The following SCG3 variants were observed in gnomAD, a reference collection of about 807,000 sequenced individuals.
The protein encoded by SCG3 is secretogranin III, also known as secretogranin-3.
A neutral mutation model predicts 56.2 loss-of-function variants in SCG3; 38 were observed. The ratio of observed to expected loss-of-function variants is 0.68; its 90% confidence interval spans 0.52 to 0.89. The LOEUF (loss-of-function observed/expected upper bound fraction) is 0.89. SCG3 is among the 40% of genes least tolerant of loss of function. SCG3 has a pLI of 0.00. For missense variants in SCG3, 524 were observed against 540.7 expected, an observed-to-expected ratio of 0.97 and a Z score of 0.31; for synonymous variants, 176 against 184.2, an observed-to-expected ratio of 0.96 and a Z score of 0.36.
At chr15:51,713,154 C>A in intron 10 of SCG3, 179 bp from the exon 11 acceptor site, 1 of 424,188 alleles carries the variant, frequency 2.4e-6, no homozygotes. Flanking sequence ...TTGACCTAAA[C>A]CCCTCAACAC....
chr15:51,713,267 T>C lies in SCG3; in HGVS notation c.1208-66T>C, dbSNP rs1407227401. The C allele has an allele frequency of 2.9e-6, 3 of 1,044,722 alleles. No homozygotes were observed. The African/African-American group carries it at 4.8e-5, about 17-fold the overall frequency. 64.7% of individuals were successfully genotyped at this position (1,044,722 alleles called of 1,614,324 possible). ...ATATTTGTGGTTCTGAACATACGTG[T>C]GGTCTTTAAAATGAGATGTAGTGAT... is the stretch of plus-strand genomic sequence containing the variant. On this transcript the variant is annotated intron_variant, in intron 10 of 11. Coordinates refer to ENST00000220478, the MANE Select transcript of SCG3 (RefSeq NM_013243.4).
At chr15:51,713,499 C>T in intron 11 of SCG3, 86 bp downstream of exon 11, 1 of 915,696 alleles carries the variant, frequency 1.1e-6, no homozygotes, top group Non-Finnish European at 1.7e-6. Flanking sequence ...GTCAAATTGA[C>T]TGTGCTAAAG....
chr15:51,716,691 GGGTT>G (rs1172976348), intron 11 of SCG3, among the ~76,000 whole-genome samples: 1 of 152,208 alleles, frequency 6.6e-6, no homozygotes. Context: ...AAATGCGTGG[GGGTT>G]TCTCCCCACC....
chr15:51,718,734 G>T (rs2055475920), intron 11 of SCG3, among the ~76,000 whole-genome samples: 1 of 152,002 alleles, frequency 6.6e-6, no homozygotes, highest in Non-Finnish European at 1.5e-5. Flanking sequence ...TATAGATTTT[G>T]TTTGTTTGTT....
chr15:51,699,178 C>T (rs1294254917), intron 8 of SCG3, 141 bp from the exon 9 acceptor site: 3 of 641,720 alleles, frequency 4.7e-6, no homozygotes, highest in Non-Finnish European at 5.5e-6. Context: ...AAATAAAATC[C>T]AGGTCAAAAC....
chr15:51,709,684 T>C (rs1252689326), intron 10 of SCG3, among the ~76,000 whole-genome samples: 1 of 16,528 alleles, frequency 6.1e-5, no homozygotes, highest in Admixed American at 6.7e-4. Flanking sequence ...TATATATATA[T>C]ATATATATAT....
chr15:51,692,901 A>T (rs1019643914), intron 7 of SCG3, among the ~76,000 whole-genome samples: 2 of 151,914 alleles, frequency 1.3e-5, no homozygotes, highest in African/African-American at 4.8e-5. Context: ...GTGTGATGAG[A>T]ACACTTAAGA....
intron 11 of SCG3, 97 bp downstream of exon 11, chr15:51,713,510 T>A: frequency 1.3e-6 from 1 of 769,010 alleles, no homozygotes; most frequent in Non-Finnish European, 2.0e-6. Context: ...TGTGCTAAAG[T>A]CTCCCCGCAG....
At chr15:51,709,100 T>C (rs939190085) in intron 10 of SCG3, among the ~76,000 whole-genome samples, 1 of 152,194 alleles carries the variant, frequency 6.6e-6, no homozygotes, top group African/African-American at 2.4e-5. Flanking sequence ...TCCACAGGGC[T>C]GAGGAGGCCT....
In SCG3 at chr15:51,719,547, G is replaced by A. The variant is rs572556409; in HGVS notation, c.*21G>A. 6.7e-7 allele frequency: 1 copy of A among 1,497,410 alleles called. No individual in the cohort carries two copies. Among genetic ancestry groups the A allele is most frequent in the East Asian group, 2.3e-5 (1 of 44,298 alleles). The allele number at this position is 1,497,410 out of a possible 1,614,324, so 92.8% of individuals were successfully genotyped here. A position where few individuals can be genotyped will look rare whatever the true frequency, so the allele number is the denominator to read the frequency against. On this transcript the variant is annotated 3_prime_UTR_variant, in exon 12 of 12. Coordinates refer to ENST00000220478, the MANE Select transcript of SCG3 (RefSeq NM_013243.4). ...TGTAAAAATGGCAAAAGATCCAGGA[G>A]TCTTTCAACTGTTTCAGAAAACATA... is the stretch of plus-strand genomic sequence containing the variant.
chr15:51,718,615 A>G (rs2055474811), intron 11 of SCG3, among the ~76,000 whole-genome samples: 1 of 143,818 alleles, frequency 7.0e-6, no homozygotes, highest in Non-Finnish European at 1.5e-5. Context: ...ATTGCCTAAT[A>G]CTTAAAGGAT....
intron 9 of SCG3, among the ~76,000 whole-genome samples, chr15:51,700,481 A>C (rs1476443533): frequency 6.6e-6 from 1 of 152,212 alleles, no homozygotes; most frequent in Admixed American, 6.5e-5. Context: ...TGGTTATTTT[A>C]AAGTGAGAAG....
At chr15:51,691,879 G>C (rs2055268961) in intron 6 of SCG3, among the ~76,000 whole-genome samples, 1 of 150,794 alleles carries the variant, frequency 6.6e-6, no homozygotes, top group African/African-American at 2.5e-5. Flanking sequence ...GGTAAACATG[G>C]CCAGAGAAAG....
intron 10 of SCG3, among the ~76,000 whole-genome samples, chr15:51,707,545 T>G (rs1468329308): frequency 6.6e-6 from 1 of 152,240 alleles, no homozygotes; most frequent in African/African-American, 2.4e-5. Flanking sequence ...TTCTTTCTTA[T>G]GTACAAATCA....
chr15:51,696,730 G>A (rs2055305799), intron 8 of SCG3, among the ~76,000 whole-genome samples: 1 of 152,106 alleles, frequency 6.6e-6, no homozygotes, highest in Non-Finnish European at 1.5e-5. Flanking sequence ...GCAAGGGTGG[G>A]GGAGGTGCCA....
At chr15:51,715,551 T>G (rs945383382) in intron 11 of SCG3, among the ~76,000 whole-genome samples, 8 of 152,176 alleles carry the variant, frequency 5.3e-5, no homozygotes, top group Admixed American at 2.0e-4. Context: ...GAAAATCTTA[T>G]GTAGCCTTAA....
At chr15:51,712,451 A>T (rs984856563) in intron 10 of SCG3, among the ~76,000 whole-genome samples, 2 of 152,164 alleles carry the variant, frequency 1.3e-5, no homozygotes, top group Non-Finnish European at 2.9e-5. Flanking sequence ...TTTTTTTGAT[A>T]TAGAACAAAG....
At chr15:51,713,229 C>A in intron 10 of SCG3, 104 bp from the exon 11 acceptor site, 1 of 739,528 alleles carries the variant, frequency 1.4e-6, no homozygotes, top group Non-Finnish European at 2.3e-6. Flanking sequence ...CTTGCAAATG[C>A]TGCATAAGTC....
intron 10 of SCG3, among the ~76,000 whole-genome samples, chr15:51,712,711 T>C (rs1217119704): frequency 6.6e-6 from 1 of 152,210 alleles, no homozygotes; most frequent in Non-Finnish European, 1.5e-5. Context: ...CATGCCACAC[T>C]TGAGGCCCAT....
Sources: allele counts gnomAD v4.1 joint callset (sites outside exome capture counted in the v4.1 genomes callset), GRCh38; gene constraint gnomAD v4.1.1; transcripts MANE v1.5; gene names NCBI Gene and HGNC (gene_info 2026-07-23, HGNC 2026-07-21).